XIRP2: variants seen among roughly 807,000 people sequenced by gnomAD.
XIRP2 encodes xin actin-binding repeat-containing protein 2.
A neutral mutation model predicts 277.0 loss-of-function variants in XIRP2; 236 were observed. That is an observed-to-expected ratio of 0.85 (90% CI 0.77 to 0.95). XIRP2 has a LOEUF of 0.95. Ranked by LOEUF, XIRP2 falls within the 40% of genes least tolerant of loss-of-function variation. XIRP2 has a pLI of 0.00. For synonymous variants in XIRP2, 1,490 were observed against 1,416.5 expected (o/e 1.05, Z -1.17); for missense variants, 4,640 against 4,157.5 (o/e 1.12, Z -3.19).
chr2:167,118,256 G>A (rs1406934555), intron 2 of XIRP2, among the ~76,000 whole-genome samples: 1 of 152,028 alleles, frequency 6.6e-6, no homozygotes, highest in Admixed American at 6.6e-5. Flanking sequence ...GTGATGGGCA[G>A]ATTGCCTGAG....
chr2:167,224,212 C>G (rs1030551336), intron 5 of XIRP2, among the ~76,000 whole-genome samples: 2 of 151,928 alleles, frequency 1.3e-5, no homozygotes, highest in African/African-American at 2.4e-5. Flanking sequence ...TTCTCACCTC[C>G]CAATACTATC....
chr2:167,110,086 TGCATA>T (rs1235022409), intron 2 of XIRP2, among the ~76,000 whole-genome samples: 5 of 152,218 alleles, frequency 3.3e-5, no homozygotes. Context: ...CTTTGTTGGA[TGCATA>T]GTTTGTAAAT....
At chr2:167,001,684 A>G (rs755151683) in intron 2 of XIRP2, among the ~76,000 whole-genome samples, 2 of 152,172 alleles carry the variant, frequency 1.3e-5, no homozygotes, top group Non-Finnish European at 2.9e-5. Flanking sequence ...AAAACTTAGG[A>G]TTTTGTAAGT....
rs1426460071 is a variant in XIRP2 at position 167,085,733 on chromosome 2, A to C, written c.409-50176A>C. On this transcript the variant is annotated intron_variant, in intron 2 of 10. Coordinates refer to ENST00000409195, the MANE Select transcript of XIRP2 (RefSeq NM_152381.6). The stretch of plus-strand genomic sequence containing the variant: ...TGTCTCTTTTGATCTTTGTTGGTTT[A>C]AAGTCTGTTTTATCAGAGACTAGGA... Among the ~76,000 whole-genome samples, 7 of 151,890 alleles carry C rather than the reference A, an allele frequency of 4.6e-5. No homozygotes were observed. The South Asian group carries it at 1.5e-3, about 32-fold the overall frequency.
At chr2:166,980,925 C>G (rs1413778821) in intron 2 of XIRP2, among the ~76,000 whole-genome samples, 1 of 151,930 alleles carries the variant, frequency 6.6e-6, no homozygotes, top group Admixed American at 6.6e-5. Flanking sequence ...ATGTTTAGCA[C>G]TCTCTCTAGT....
intron 3 of XIRP2, among the ~76,000 whole-genome samples, chr2:167,178,898 A>G (rs1325184912): frequency 6.6e-6 from 1 of 152,172 alleles, no homozygotes; most frequent in Non-Finnish European, 1.5e-5. Context: ...TTGTTCAATA[A>G]ACATTTGAAA....
intron 2 of XIRP2, among the ~76,000 whole-genome samples, chr2:166,936,086 T>C (rs1685490378): frequency 6.6e-6 from 1 of 152,234 alleles, no homozygotes; most frequent in Non-Finnish European, 1.5e-5. Context: ...GTTTCCTGAC[T>C]TTTTAATGAT....
intron 2 of XIRP2, among the ~76,000 whole-genome samples, chr2:167,094,178 T>C (rs953705429): frequency 1.3e-5 from 2 of 152,336 alleles, no homozygotes; most frequent in Admixed American, 1.3e-4. Flanking sequence ...GTTTTTTTCT[T>C]GTAAATATGT....
At chr2:167,202,545 T>G (rs1057231627) in intron 3 of XIRP2, among the ~76,000 whole-genome samples, 22 of 152,192 alleles carry the variant, frequency 1.4e-4, no homozygotes, top group Non-Finnish European at 3.1e-4. Context: ...GGACATTTCT[T>G]TTTTGGGACA....
intron 2 of XIRP2, among the ~76,000 whole-genome samples, chr2:166,957,146 T>A (rs1365965122): frequency 2.0e-5 from 3 of 151,730 alleles, no homozygotes; most frequent in African/African-American, 4.8e-5. Flanking sequence ...TTGTTGTTGA[T>A]TTTTCTCTTT....
intron 3 of XIRP2, among the ~76,000 whole-genome samples, chr2:167,160,538 A>G (rs1157462275): frequency 6.6e-6 from 1 of 152,210 alleles, no homozygotes; most frequent in Non-Finnish European, 1.5e-5. Flanking sequence ...CTCACACGGC[A>G]ACAGACAAGA....
At chr2:167,098,014 T>G (rs111981568) in intron 2 of XIRP2, among the ~76,000 whole-genome samples, 1 of 152,122 alleles carries the variant, frequency 6.6e-6, no homozygotes, top group South Asian at 2.1e-4. Flanking sequence ...GTGAATCTGA[T>G]GATTATGTGT....
intron 2 of XIRP2, among the ~76,000 whole-genome samples, chr2:167,034,309 A>G (rs1688449090): frequency 6.6e-6 from 1 of 152,150 alleles, no homozygotes; most frequent in Admixed American, 6.6e-5. Context: ...ACAAAACAGT[A>G]AAAATCAAGA....
At chr2:167,152,501 C>T (rs1009414142) in intron 3 of XIRP2, among the ~76,000 whole-genome samples, 6 of 152,052 alleles carry the variant, frequency 3.9e-5, no homozygotes, top group African/African-American at 1.2e-4. Flanking sequence ...ATATTAAATC[C>T]ACTTGTATGC....
chr2:167,072,834 C>G (rs1402916276), intron 2 of XIRP2, among the ~76,000 whole-genome samples: 1 of 152,118 alleles, frequency 6.6e-6, no homozygotes, highest in Non-Finnish European at 1.5e-5. Flanking sequence ...AGAGACCATT[C>G]CCTAGCCTCC....
intron 3 of XIRP2, among the ~76,000 whole-genome samples, chr2:167,180,646 T>C (rs1431107371): frequency 6.6e-6 from 1 of 152,228 alleles, no homozygotes; most frequent in Non-Finnish European, 1.5e-5. Flanking sequence ...ATGTAGCTTG[T>C]ATCTTTGTGA....
chr2:167,050,812 T>C (rs78046088), intron 2 of XIRP2, among the ~76,000 whole-genome samples: 1 of 54,212 alleles, frequency 1.8e-5, no homozygotes, highest in African/African-American at 1.5e-4. Context: ...TGCTGGCACA[T>C]TTTTTTTTTT....
rs1402012628 is a variant in XIRP2 at position 167,244,906 on chromosome 2, G to A, written c.3514G>A (p.Glu1172Lys). 1 of 1,612,928 alleles carries A rather than the reference G, an allele frequency of 6.2e-7. No individual in the cohort carries two copies. Among genetic ancestry groups the A allele is most frequent in the Non-Finnish European group, 8.5e-7 (1 of 1,179,606 alleles). The stretch of plus-strand genomic sequence containing the variant: ...TACAGCATGTTTTCTTTTTGAGACA[G>A]AAAATTTGGACAGCATACAAGGAGA... ...VRTACFLFET[E>K]NLDSIQGEEV... The change falls in exon 9 of 11, where the codon GAA (glutamate) becomes AAA (lysine). Residue 1172 changes from glutamate to lysine, a missense_variant. Physicochemically the swap from Glu to Lys is moderately conservative, Grantham distance 56. Coordinates refer to ENST00000409195, the MANE Select transcript of XIRP2 (RefSeq NM_152381.6).
chr2:167,153,785 C>T (rs1290249691), intron 3 of XIRP2, among the ~76,000 whole-genome samples: 1 of 150,936 alleles, frequency 6.6e-6, no homozygotes, highest in Non-Finnish European at 1.5e-5. Flanking sequence ...ATATGTGCCA[C>T]ATTTTCTTAA....
Sources: gnomAD v4.1 joint callset for allele counts (sites outside exome capture counted in the v4.1 genomes callset) on GRCh38, gnomAD v4.1.1 for gene constraint, MANE v1.5 for transcripts, NCBI Gene and HGNC (gene_info 2026-07-23, HGNC 2026-07-21) for gene names.